Variants in CNTN5 observed in about 807,000 individuals in gnomAD.
The protein encoded by CNTN5 is contactin 5, also known as contactin-5.
Under a neutral mutation model 129.1 loss-of-function variants are expected in CNTN5, and 77 were observed. That is an observed-to-expected ratio of 0.60 (90% CI 0.50 to 0.72). CNTN5 has a LOEUF of 0.72. Ranked by LOEUF, CNTN5 falls within the 30% of genes least tolerant of loss-of-function variation. CNTN5 has a pLI of 0.00. For missense variants in CNTN5, 1,478 were observed against 1,328.8 expected (o/e 1.11, Z -1.75); for synonymous variants, 509 against 465.6 (o/e 1.09, Z -1.20).
At chr11:99,442,247 G>A (rs1003231140) in intron 2 of CNTN5, among the ~76,000 whole-genome samples, 4 of 152,008 alleles carry the variant, frequency 2.6e-5, no homozygotes, top group African/African-American at 9.7e-5. Context: ...TTGGCTCACC[G>A]CAACCTCCAC....
intron 2 of CNTN5, among the ~76,000 whole-genome samples, chr11:99,393,707 G>A (rs979885620): frequency 6.6e-6 from 1 of 151,592 alleles, no homozygotes; most frequent in Non-Finnish European, 1.5e-5. Context: ...TAAATATTAT[G>A]GTTGTCCAGA....
At chr11:99,523,125 A>C (rs982532082) in intron 2 of CNTN5, among the ~76,000 whole-genome samples, 3 of 152,200 alleles carry the variant, frequency 2.0e-5, no homozygotes, top group Non-Finnish European at 2.9e-5. Context: ...ACTTGAAATG[A>C]CTTTCCCTCT....
intron 3 of CNTN5, among the ~76,000 whole-genome samples, chr11:99,774,149 A>G (rs990708780): frequency 1.3e-5 from 2 of 151,960 alleles, no homozygotes; most frequent in South Asian, 2.1e-4. Context: ...AACCACCCCT[A>G]TAACATTATG....
At chr11:99,870,169 T>G (rs971035033) in intron 6 of CNTN5, among the ~76,000 whole-genome samples, 1 of 152,192 alleles carries the variant, frequency 6.6e-6, no homozygotes, top group Non-Finnish European at 1.5e-5. Flanking sequence ...CAAATTTGAT[T>G]GCACAAATGT....
intron 3 of CNTN5, among the ~76,000 whole-genome samples, chr11:99,684,233 C>T (rs1953687402): frequency 1.3e-5 from 2 of 151,748 alleles, no homozygotes; most frequent in East Asian, 1.9e-4. Flanking sequence ...AGTTTTCTAT[C>T]GAAAAGTCTA....
chr11:99,835,322 A>G (rs2135636973), intron 4 of CNTN5, among the ~76,000 whole-genome samples: 1 of 152,272 alleles, frequency 6.6e-6, no homozygotes, highest in East Asian at 1.9e-4. Context: ...TGGATTTTTA[A>G]CTGTGGTTGT....
intron 1 of CNTN5, among the ~76,000 whole-genome samples, chr11:99,294,164 A>T (rs570449523): frequency 4.3e-4 from 65 of 152,126 alleles, no homozygotes; most frequent in African/African-American, 1.5e-3. Flanking sequence ...AAATTAATTC[A>T]TTGGTTGTAC....
chr11:99,868,827 C>A (rs918871112), intron 6 of CNTN5, among the ~76,000 whole-genome samples: 3 of 152,130 alleles, frequency 2.0e-5, no homozygotes, highest in African/African-American at 7.2e-5. Context: ...GCACATTCAT[C>A]AGCAAATAAG....
intron 3 of CNTN5, among the ~76,000 whole-genome samples, chr11:99,791,546 A>G (rs879430838): frequency 2.6e-5 from 4 of 151,808 alleles, no homozygotes; most frequent in Non-Finnish European, 5.9e-5. Context: ...AAGTTGGGTC[A>G]CGTGATGCCT....
At chr11:99,581,940 G>A (rs1351965810) in intron 3 of CNTN5, among the ~76,000 whole-genome samples, 1 of 151,960 alleles carries the variant, frequency 6.6e-6, no homozygotes, top group Non-Finnish European at 1.5e-5. Flanking sequence ...TTACAATTTG[G>A]CATGTTTTTG....
At chr11:100,290,730 T>C (rs1950940911) in intron 18 of CNTN5, among the ~76,000 whole-genome samples, 1 of 150,402 alleles carries the variant, frequency 6.6e-6, no homozygotes. Context: ...CCAAAAGCAA[T>C]GGCAACAAAA....
Position 99,744,543 on chromosome 11 carries a change from TAAAAAAAAAA to T in CNTN5, c.56-74980_56-74971del, listed in dbSNP as rs553540845. ...GCAAAACCCCGTCTCTACAAAAAGTTAAAAAAAAAAAAAAAAAAAAAAAAAAAAAAGCTGG... is the reference window on the plus strand; with the variant it reads ...GCAAAACCCCGTCTCTACAAAAAGTTAAAAAAAAAAAAAAAAAAAAGCTGG... On this transcript the variant is annotated intron_variant, in intron 3 of 24. Coordinates refer to ENST00000524871, the MANE Select transcript of CNTN5 (RefSeq NM_014361.4). 3.7e-4 allele frequency among the ~76,000 whole-genome samples: 14 copies of T among 37,494 alleles called. 1 individual carries two copies. The Admixed American group carries it at 5.6e-3, about 15-fold the overall frequency. 24.6% of individuals were successfully genotyped at this position (37,494 alleles called of 152,430 possible).
chr11:99,197,506 A>G (rs1259499381), intron 1 of CNTN5, among the ~76,000 whole-genome samples: 1 of 152,102 alleles, frequency 6.6e-6, no homozygotes, highest in Non-Finnish European at 1.5e-5. Flanking sequence ...ACTCAATAAT[A>G]CATGAAATAA....
intron 2 of CNTN5, among the ~76,000 whole-genome samples, chr11:99,340,688 G>C (rs1464349063): frequency 6.6e-6 from 1 of 152,098 alleles, no homozygotes; most frequent in Non-Finnish European, 1.5e-5. Flanking sequence ...CAAACGGTAG[G>C]AGAAAAAGCA....
intron 18 of CNTN5, among the ~76,000 whole-genome samples, chr11:100,290,243 T>C (rs1252621407): frequency 2.0e-5 from 3 of 151,890 alleles, no homozygotes; most frequent in Admixed American, 6.6e-5. Context: ...CTTCACAGAA[T>C]TGGAAAAAAC....
At chr11:99,788,630 C>T (rs1459474142) in intron 3 of CNTN5, among the ~76,000 whole-genome samples, 1 of 151,860 alleles carries the variant, frequency 6.6e-6, no homozygotes, top group Non-Finnish European at 1.5e-5. Flanking sequence ...TACATTATTG[C>T]AGCAGATAAC....
At chr11:99,770,224 TTTCTC>T (rs1172976074) in intron 3 of CNTN5, among the ~76,000 whole-genome samples, 5 of 152,110 alleles carry the variant, frequency 3.3e-5, no homozygotes, top group African/African-American at 1.2e-4. Flanking sequence ...TGCTTTATCT[TTTCTC>T]TTAAATTTAG....
intron 17 of CNTN5, among the ~76,000 whole-genome samples, chr11:100,266,399 T>C (rs1179540856): frequency 6.6e-6 from 1 of 152,100 alleles, no homozygotes; most frequent in Admixed American, 6.6e-5. Flanking sequence ...ATAATAACTT[T>C]ATAAAAAGAT....
At chr11:100,200,138 C>T (rs892431436) in intron 15 of CNTN5, among the ~76,000 whole-genome samples, 1 of 151,910 alleles carries the variant, frequency 6.6e-6, no homozygotes, top group African/African-American at 2.4e-5. Flanking sequence ...ACACCTAAGA[C>T]AGTCTGTTAT....
Sources: allele counts gnomAD v4.1 joint callset (sites outside exome capture counted in the v4.1 genomes callset), GRCh38; gene constraint gnomAD v4.1.1; transcripts MANE v1.5; gene names NCBI Gene and HGNC (gene_info 2026-07-23, HGNC 2026-07-21).